Variants in SPATA16 observed in about 807,000 individuals in gnomAD.
SPATA16 encodes the protein spermatogenesis-associated protein 16.
Under a neutral mutation model 63.3 loss-of-function variants are expected in SPATA16, and 36 were observed. The observed-to-expected ratio is 0.57, with a 90% CI of 0.44 to 0.75. The LOEUF is 0.75. SPATA16 is among the 30% of genes least tolerant of loss of function. The pLI is 0.00. For synonymous variants in SPATA16, 203 were observed against 216.7 expected, an observed-to-expected ratio of 0.94 and a Z score of 0.56; for missense variants, 646 against 679.3, an observed-to-expected ratio of 0.95 and a Z score of 0.54.
intron 2 of SPATA16, among the ~76,000 whole-genome samples, chr3:173,066,010 G>A (rs1231922889): frequency 1.3e-5 from 2 of 152,154 alleles, no homozygotes; most frequent in Non-Finnish European, 2.9e-5. Context: ...CACTGGCCAT[G>A]GTAGTCAAGG....
At chr3:173,015,599 A>C (rs192445475) in intron 4 of SPATA16, among the ~76,000 whole-genome samples, 1 of 152,210 alleles carries the variant, frequency 6.6e-6, no homozygotes, top group Non-Finnish European at 1.5e-5. Context: ...AAAGAATTTT[A>C]TGTAATATCT....
intron 2 of SPATA16, among the ~76,000 whole-genome samples, chr3:173,101,334 A>C (rs1242126155): frequency 3.3e-5 from 5 of 152,176 alleles, no homozygotes; most frequent in Admixed American, 6.5e-5. Context: ...ACTGTCATGT[A>C]CAGGGCAATG....
At chr3:172,978,222 A>C (rs1734214776) in intron 4 of SPATA16, among the ~76,000 whole-genome samples, 1 of 152,052 alleles carries the variant, frequency 6.6e-6, no homozygotes, top group Non-Finnish European at 1.5e-5. Flanking sequence ...ATTTCAAAAT[A>C]AATGACAGTA....
intron 4 of SPATA16, among the ~76,000 whole-genome samples, chr3:172,995,105 G>C (rs534418086): frequency 3.1e-4 from 47 of 152,034 alleles, no homozygotes; most frequent in Non-Finnish European, 5.0e-4. Context: ...AATGGACAAG[G>C]AAAAGAAAAT....
chr3:173,063,296 A>G (rs570275063), intron 2 of SPATA16, among the ~76,000 whole-genome samples: 3 of 152,334 alleles, frequency 2.0e-5, no homozygotes, highest in African/African-American at 4.8e-5. Flanking sequence ...GCAATCACCT[A>G]TTTTATAAAT....
chr3:172,987,334 A>G (rs951011826), intron 4 of SPATA16, among the ~76,000 whole-genome samples: 1 of 152,086 alleles, frequency 6.6e-6, no homozygotes, highest in African/African-American at 2.4e-5. Flanking sequence ...CTTCCTTCGC[A>G]CTCATTTTTC....
intron 3 of SPATA16, among the ~76,000 whole-genome samples, chr3:173,030,871 A>G (rs1472435005): frequency 6.6e-6 from 1 of 152,118 alleles, no homozygotes; most frequent in Non-Finnish European, 1.5e-5. Flanking sequence ...CATGGTATCT[A>G]ACATACAATG....
At chr3:173,030,530 C>T in intron 3 of SPATA16, among the ~76,000 whole-genome samples, 1 of 151,970 alleles carries the variant, frequency 6.6e-6, no homozygotes, top group Admixed American at 6.6e-5. Context: ...CAATGAGATA[C>T]CATCTCACAC....
rs1732703855 is a variant in SPATA16 at position 172,925,354 on chromosome 3, A to G, written c.1220T>C (p.Ile407Thr). Residue 407 changes from isoleucine (I) to threonine (T), a missense_variant, in exon 7 of 11, where the codon ATA becomes ACA. Transcript: ENST00000351008. ...AGGTTCAGATGATTTACCTGTGAAT[A>G]TCGGCAGCTTCCTGCTTGATATTTT... The part of the protein sequence containing the change: ...LEKISSRKLP[I>T]FTEHKTPFGL... 6.2e-7 allele frequency: 1 copy of G among 1,613,918 alleles called. No homozygotes were observed. The highest frequency in any genetic ancestry group is 8.5e-7 in the Non-Finnish European group (1 of 1,179,892).
chr3:172,948,790 C>G (rs1268511315), intron 6 of SPATA16, among the ~76,000 whole-genome samples: 1 of 152,022 alleles, frequency 6.6e-6, no homozygotes, highest in African/African-American at 2.4e-5. Flanking sequence ...TCATCAATAC[C>G]AGACCTGTCT....
chr3:172,981,722 A>G (rs779350581), intron 4 of SPATA16, among the ~76,000 whole-genome samples: 3 of 152,124 alleles, frequency 2.0e-5, no homozygotes, highest in Non-Finnish European at 2.9e-5. Flanking sequence ...CATTCAACAT[A>G]AAGTTTATTT....
rs566400453 is a variant in SPATA16, at chr3:172,978,245, C to CTAA, written c.849-1196_849-1194dup. Among the ~76,000 whole-genome samples, 548 of 151,594 alleles carry CTAA rather than the reference C, an allele frequency of 3.6e-3. 3 individuals are homozygous for CTAA. Among genetic ancestry groups the CTAA allele is most frequent in the African/African-American group, 0.013 (536 of 41,268 alleles). On this transcript the variant is annotated intron_variant, in intron 4 of 10. Transcript: ENST00000351008. Reference sequence around the variant, plus strand: ...ATAAATGACAGTAATTTAAGAATAGCTAATTTAAGAATCCTTTTATATTTT... The same window carrying CTAA: ...ATAAATGACAGTAATTTAAGAATAGCTAATAATTTAAGAATCCTTTTATATTTT...
chr3:173,006,867 G>C (rs1734956977), intron 4 of SPATA16, among the ~76,000 whole-genome samples: 2 of 151,986 alleles, frequency 1.3e-5, no homozygotes, highest in South Asian at 4.1e-4. Context: ...AAAGAAATAA[G>C]CTGCTGCTTG....
chr3:172,900,082 A>G (rs540732222), intron 10 of SPATA16, among the ~76,000 whole-genome samples: 5 of 152,258 alleles, frequency 3.3e-5, no homozygotes, highest in South Asian at 4.1e-4. Flanking sequence ...CTTTCTATTC[A>G]GAAAACTTTC....
chr3:173,126,828 C>T (rs1414439399), intron 1 of SPATA16, among the ~76,000 whole-genome samples: 1 of 152,188 alleles, frequency 6.6e-6, no homozygotes, highest in Non-Finnish European at 1.5e-5. Context: ...TACTCCACTG[C>T]ATCCCACCAC....
intron 1 of SPATA16, among the ~76,000 whole-genome samples, chr3:173,129,190 T>G (rs374665413): frequency 6.6e-6 from 1 of 152,346 alleles, no homozygotes; most frequent in East Asian, 1.9e-4. Flanking sequence ...TCACAGGAAC[T>G]CAGGAGCAAG....
At chr3:173,130,506 G>A (rs1412912721) in intron 1 of SPATA16, among the ~76,000 whole-genome samples, 2 of 151,572 alleles carry the variant, frequency 1.3e-5, no homozygotes, top group African/African-American at 4.8e-5. Flanking sequence ...TTTACAAGTT[G>A]CAGAATAAAC....
chr3:173,019,371 G>A lies in SPATA16; in HGVS notation c.848+115C>T, dbSNP rs1735265497. On this transcript the variant is annotated intron_variant, in intron 4 of 10. Coordinates refer to ENST00000351008, the MANE Select transcript of SPATA16 (RefSeq NM_031955.6). ...TTTGACGTTGATAGACAATAATTTG[G>A]ATAAAATCATATTCCATGAGAGAAA... 5 of 934,464 alleles carry A rather than the reference G, an allele frequency of 5.4e-6. No individual in the cohort carries two copies. The East Asian group carries it at 1.2e-4, about 23-fold the overall frequency. The allele number at this position is 934,464 out of a possible 1,614,324, so 57.9% of individuals were successfully genotyped here.
At chr3:172,916,551 T>C in intron 8 of SPATA16, 70 bp from the exon 9 acceptor site, 1 of 1,514,988 alleles carries the variant, frequency 6.6e-7, no homozygotes, top group Non-Finnish European at 9.2e-7. Flanking sequence ...GGGCTGGAAG[T>C]CAGGGCTTGT....
Sources: gnomAD v4.1 joint callset for allele counts (sites outside exome capture counted in the v4.1 genomes callset) on GRCh38, gnomAD v4.1.1 for gene constraint, MANE v1.5 for transcripts, NCBI Gene and HGNC (gene_info 2026-07-23, HGNC 2026-07-21) for gene names.